The following HS2ST1 variants were observed in gnomAD, a reference collection of about 807,000 sequenced individuals.
HS2ST1 encodes the protein 2-O-sulfotransferase.
A neutral mutation model predicts 42.9 loss-of-function variants in HS2ST1; 18 were observed. The observed-to-expected ratio is 0.42, with a 90% CI of 0.29 to 0.62. The LOEUF (loss-of-function observed/expected upper bound fraction) is 0.62, where lower values mean the gene tolerates loss of function less well. Ranked by LOEUF, HS2ST1 falls within the 20% of genes least tolerant of loss-of-function variation. The pLI, the probability that HS2ST1 is intolerant of heterozygous loss-of-function variation, is 0.21. For missense variants in HS2ST1, 334 were observed against 433.8 expected (o/e 0.77, Z 2.04); for synonymous variants, 146 against 152.9 (o/e 0.95, Z 0.33).
At chr1:87,078,827 G>A (rs1651610743) in intron 2 of HS2ST1, among the ~76,000 whole-genome samples, 1 of 152,120 alleles carries the variant, frequency 6.6e-6, no homozygotes, top group African/African-American at 2.4e-5. Context: ...AATACCAGAA[G>A]AAAACAAACT....
chr1:87,016,033 T>C (rs113574865), intron 1 of HS2ST1, among the ~76,000 whole-genome samples: 3,567 of 151,982 alleles, frequency 0.023, 71 homozygotes, highest in African/African-American at 0.049. Context: ...GCCAGGATGA[T>C]CCCGATCTCC....
At chr1:87,003,344 G>C (rs781780564) in intron 1 of HS2ST1, among the ~76,000 whole-genome samples, 1 of 152,144 alleles carries the variant, frequency 6.6e-6, no homozygotes, top group Non-Finnish European at 1.5e-5. Context: ...CATACTAAAT[G>C]GGATTTTATG....
chr1:87,061,050 T>G (rs1005026940), intron 1 of HS2ST1, among the ~76,000 whole-genome samples: 5 of 152,160 alleles, frequency 3.3e-5, no homozygotes, highest in African/African-American at 1.2e-4. Flanking sequence ...ATATATTTAA[T>G]GTGGAAGCAT....
At chr1:87,017,170 T>C (rs746689443) in intron 1 of HS2ST1, among the ~76,000 whole-genome samples, 7 of 152,102 alleles carry the variant, frequency 4.6e-5, no homozygotes, top group Non-Finnish European at 1.0e-4. Flanking sequence ...GGAATCTCAC[T>C]CTGTCACCCA....
At chr1:86,976,712 A>ATG in intron 1 of HS2ST1, among the ~76,000 whole-genome samples, 1 of 134,068 alleles carries the variant, frequency 7.5e-6, no homozygotes, top group Non-Finnish European at 1.6e-5. Context: ...TTGTATATAT[A>ATG]TATATATATT....
intron 1 of HS2ST1, among the ~76,000 whole-genome samples, chr1:86,965,035 A>G (rs1460461264): frequency 2.0e-5 from 3 of 152,210 alleles, no homozygotes. Context: ...CTGATCTGCT[A>G]GCCAAGATTA....
chr1:87,034,053 TATTA>T (rs888328611), intron 1 of HS2ST1, among the ~76,000 whole-genome samples: 11 of 152,294 alleles, frequency 7.2e-5, no homozygotes, highest in Non-Finnish European at 1.5e-4. Context: ...TATTGAGGAT[TATTA>T]ATTTTTAAAT....
chr1:86,954,012 T>C (rs1239808870), intron 1 of HS2ST1, among the ~76,000 whole-genome samples: 4 of 66,908 alleles, frequency 6.0e-5, no homozygotes, highest in African/African-American at 2.2e-4. Context: ...ACAATTGCAA[T>C]AGTAATAACA....
At chr1:86,931,002 A>G (rs573905020) in intron 1 of HS2ST1, among the ~76,000 whole-genome samples, 22 of 152,156 alleles carry the variant, frequency 1.4e-4, no homozygotes, top group African/African-American at 5.3e-4. Context: ...CTACCTTTAA[A>G]AAGAATGTTC....
chr1:87,064,530 A>G (rs1178147186), intron 1 of HS2ST1: 1 of 518,304 alleles, frequency 1.9e-6, no homozygotes, highest in Non-Finnish European at 3.9e-6. Flanking sequence ...ATGGTACCAT[A>G]TGCATCCCTG....
chr1:87,101,124 T>C (rs1652186380), intron 5 of HS2ST1, among the ~76,000 whole-genome samples: 1 of 146,834 alleles, frequency 6.8e-6, no homozygotes. Flanking sequence ...ATGTCCTAAG[T>C]CATCACTTTT....
At chr1:87,086,055 G>A (rs1176428291) in intron 3 of HS2ST1, among the ~76,000 whole-genome samples, 2 of 152,102 alleles carry the variant, frequency 1.3e-5, no homozygotes, top group Non-Finnish European at 2.9e-5. Flanking sequence ...GTATTTTGAT[G>A]TATCTATGTA....
chr1:86,961,961 TATTTC>T (rs1474389324), intron 1 of HS2ST1, among the ~76,000 whole-genome samples: 2 of 152,328 alleles, frequency 1.3e-5, no homozygotes, highest in African/African-American at 2.4e-5. Flanking sequence ...TTATGACTAA[TATTTC>T]ATTATATGTA....
At chr1:87,084,408 T>C in intron 3 of HS2ST1, 129 bp downstream of exon 3, 1 of 569,902 alleles carries the variant, frequency 1.8e-6, no homozygotes, top group Non-Finnish European at 3.0e-6. Flanking sequence ...CAGTTTTAGA[T>C]CTGTAATTTA....
At chr1:87,006,162 A>G (rs973599473) in intron 1 of HS2ST1, among the ~76,000 whole-genome samples, 1 of 152,154 alleles carries the variant, frequency 6.6e-6, no homozygotes, top group African/African-American at 2.4e-5. Flanking sequence ...AATTTGGGGA[A>G]ATGCTTACTG....
Position 87,027,623 on chromosome 1 carries a change from A to G in HS2ST1, c.125-45311A>G, listed in dbSNP as rs529777186. Among the ~76,000 whole-genome samples the G allele has an allele frequency of 2.6e-5, 4 of 152,346 alleles. No individual in the cohort carries two copies. In the South Asian group the frequency reaches 8.3e-4, roughly 32 times the overall value. ...GGTTTGATAACTGGTGGGAGTGAGT[A>G]GTTACAGATTCTCAACTGAGAAGGG... On this transcript the variant is annotated intron_variant, in intron 1 of 6. Transcript: ENST00000370550.
intron 2 of HS2ST1, among the ~76,000 whole-genome samples, chr1:87,082,775 G>C (rs1220876094): frequency 6.6e-6 from 1 of 152,080 alleles, no homozygotes; most frequent in Non-Finnish European, 1.5e-5. Flanking sequence ...TCTGTTTGAT[G>C]CCTTAGTTGA....
Position 87,104,833 on chromosome 1 carries a change from A to G in HS2ST1, c.*137A>G. 3.4e-6 allele frequency: 2 copies of G among 596,754 alleles called. No homozygotes were observed. Among genetic ancestry groups the G allele is most frequent in the Non-Finnish European group, 5.9e-6 (2 of 336,750 alleles). The allele number at this position is 596,754 out of a possible 1,614,324, so 37.0% of individuals were successfully genotyped here. A position where few individuals can be genotyped will look rare whatever the true frequency, so the allele number is the denominator to read the frequency against. ...TGAGCCAAATTAGGAAACAGACAGTAACGTCAAGGAAGTAGATACTGGCTG... is the reference window on the plus strand; with the variant it reads ...TGAGCCAAATTAGGAAACAGACAGTGACGTCAAGGAAGTAGATACTGGCTG... On this transcript the variant is annotated 3_prime_UTR_variant, in exon 7 of 7. Transcript: ENST00000370550.
intron 1 of HS2ST1, among the ~76,000 whole-genome samples, chr1:86,985,166 T>C (rs1436025236): frequency 2.0e-5 from 3 of 149,662 alleles, no homozygotes; most frequent in Non-Finnish European, 4.4e-5. Flanking sequence ...CCATCCTGGC[T>C]AACACGGTGA....
Sources: allele counts gnomAD v4.1 joint callset (sites outside exome capture counted in the v4.1 genomes callset), GRCh38; gene constraint gnomAD v4.1.1; transcripts MANE v1.5; gene names NCBI Gene and HGNC (gene_info 2026-07-23, HGNC 2026-07-21).